COMMD10: variants seen among roughly 807,000 people sequenced by gnomAD.
COMMD10 encodes COMM domain-containing protein 10.
COMMD10 carries 33 observed loss-of-function variants against 28.9 expected under a neutral mutation model. The ratio of observed to expected loss-of-function variants is 1.14; its 90% CI spans 0.87 to 1.53. COMMD10 has a LOEUF of 1.53. Among genes scored for constraint, COMMD10 ranks in the 40% most tolerant of loss-of-function variants. The pLI, the probability that COMMD10 is intolerant of heterozygous loss-of-function variation, is 0.00. For missense variants in COMMD10, 310 were observed against 233.4 expected, an observed-to-expected ratio of 1.33 and a Z score of -2.14; for synonymous variants, 110 against 81.7, an observed-to-expected ratio of 1.35 and a Z score of -1.87.
chr5:116,136,566 A>C (rs1431268765), intron 5 of COMMD10, among the ~76,000 whole-genome samples: 3 of 152,190 alleles, frequency 2.0e-5, no homozygotes, highest in Non-Finnish European at 4.4e-5. Context: ...ACATCTTCAA[A>C]GTATGCCTAT....
chr5:116,257,802 C>T, intron 5 of COMMD10, among the ~76,000 whole-genome samples: 1 of 151,586 alleles, frequency 6.6e-6, no homozygotes, highest in Non-Finnish European at 1.5e-5. Flanking sequence ...TTTTAAGATT[C>T]TTATATGTGG....
At chr5:116,233,018 A>C (rs993353816) in intron 5 of COMMD10, among the ~76,000 whole-genome samples, 1 of 152,146 alleles carries the variant, frequency 6.6e-6, no homozygotes, top group Non-Finnish European at 1.5e-5. Context: ...AATGTGGAGC[A>C]CGGTAGCATT....
intron 5 of COMMD10, among the ~76,000 whole-genome samples, chr5:116,235,605 AATAG>A (rs1272616360): frequency 1.3e-5 from 2 of 152,152 alleles, no homozygotes; most frequent in East Asian, 3.8e-4. Context: ...TTTCATATTT[AATAG>A]ATAGTTTGGG....
At chr5:116,200,530 T>G (rs1416161022) in intron 5 of COMMD10, among the ~76,000 whole-genome samples, 3 of 152,048 alleles carry the variant, frequency 2.0e-5, no homozygotes, top group Non-Finnish European at 4.4e-5. Context: ...TCTTTTCTCT[T>G]TCTTCTTCTA....
chr5:116,254,378 A>C (rs1750216475), intron 5 of COMMD10, among the ~76,000 whole-genome samples: 1 of 151,538 alleles, frequency 6.6e-6, no homozygotes. Context: ...TAGTTCTTTT[A>C]ATTGTGATGT....
intron 5 of COMMD10, among the ~76,000 whole-genome samples, chr5:116,262,481 C>G (rs537000682): frequency 2.5e-4 from 38 of 151,466 alleles, no homozygotes; most frequent in South Asian, 4.2e-4. Flanking sequence ...AATACTATAC[C>G]AAGACAAATG....
At chr5:116,220,572 T>C (rs1474634330) in intron 5 of COMMD10, among the ~76,000 whole-genome samples, 1 of 152,110 alleles carries the variant, frequency 6.6e-6, no homozygotes, top group Non-Finnish European at 1.5e-5. Flanking sequence ...AGTAGAGTTA[T>C]AAGGATCCAG....
chr5:116,191,717 G>A (rs531578569), intron 5 of COMMD10, among the ~76,000 whole-genome samples: 9 of 151,824 alleles, frequency 5.9e-5, no homozygotes, highest in East Asian at 2.0e-4. Context: ...CCCTAGTAGC[G>A]GAAGACAGAG....
intron 5 of COMMD10, among the ~76,000 whole-genome samples, chr5:116,201,788 G>C (rs1748674020): frequency 6.6e-6 from 1 of 152,016 alleles, no homozygotes; most frequent in South Asian, 2.1e-4. Context: ...AACAAAGTAA[G>C]GTTTTTAATT....
At chr5:116,283,732 GT>G (rs1168894132) in intron 5 of COMMD10, among the ~76,000 whole-genome samples, 1 of 151,612 alleles carries the variant, frequency 6.6e-6, no homozygotes, top group Non-Finnish European at 1.5e-5. Flanking sequence ...CATAATGGCA[GT>G]ATCCATTGAT....
chr5:116,269,544 A>T (rs1750699732), intron 5 of COMMD10, among the ~76,000 whole-genome samples: 1 of 151,606 alleles, frequency 6.6e-6, no homozygotes, highest in Non-Finnish European at 1.5e-5. Flanking sequence ...TTCACCTGGT[A>T]TTTTTTTTCA....
intron 5 of COMMD10, among the ~76,000 whole-genome samples, chr5:116,187,358 C>T (rs2112605820): frequency 6.6e-6 from 1 of 151,818 alleles, no homozygotes; most frequent in South Asian, 2.1e-4. Flanking sequence ...TATTTATATG[C>T]AAAATAATAA....
At chr5:116,161,499 T>A (rs922016229) in intron 5 of COMMD10, among the ~76,000 whole-genome samples, 4 of 152,140 alleles carry the variant, frequency 2.6e-5, no homozygotes, top group African/African-American at 9.7e-5. Context: ...CATATGACTT[T>A]TGACTCCCCG....
chr5:116,192,404 A>T (rs993696806), intron 5 of COMMD10, among the ~76,000 whole-genome samples: 7 of 152,240 alleles, frequency 4.6e-5, no homozygotes, highest in Admixed American at 2.6e-4. Context: ...GCCCAATGCA[A>T]GGAAATCCAA....
chr5:116,213,773 TTTC>T (rs1749028177), intron 5 of COMMD10, among the ~76,000 whole-genome samples: 2 of 152,118 alleles, frequency 1.3e-5, no homozygotes, highest in South Asian at 4.1e-4. Flanking sequence ...TACAGTGTTA[TTTC>T]TTCTTTATGT....
intron 5 of COMMD10, among the ~76,000 whole-genome samples, chr5:116,261,589 GT>G (rs1750444981): frequency 6.6e-6 from 1 of 151,604 alleles, no homozygotes; most frequent in African/African-American, 2.4e-5. Flanking sequence ...CATCTTTCTG[GT>G]TATTATTGAC....
chr5:116,106,890 C>A (rs1301171765), intron 4 of COMMD10, among the ~76,000 whole-genome samples: 1 of 152,088 alleles, frequency 6.6e-6, no homozygotes, highest in Admixed American at 6.5e-5. Flanking sequence ...TGAGATGGGT[C>A]TCCTGAATAC....
chr5:116,157,962 C>T (rs1752773427), intron 5 of COMMD10, among the ~76,000 whole-genome samples: 1 of 150,254 alleles, frequency 6.7e-6, no homozygotes, highest in South Asian at 2.1e-4. Context: ...TTTAGTCAAC[C>T]ATTTGAATAT....
chr5:116,171,892 G>A (rs1248171151), intron 5 of COMMD10, among the ~76,000 whole-genome samples: 3 of 152,062 alleles, frequency 2.0e-5, no homozygotes, highest in African/African-American at 7.2e-5. Flanking sequence ...CGGGTTGATG[G>A]TGCAACAAAC....
Sources: gnomAD v4.1 joint callset for allele counts (sites outside exome capture counted in the v4.1 genomes callset) on GRCh38, gnomAD v4.1.1 for gene constraint, MANE v1.5 for transcripts, NCBI Gene and HGNC (gene_info 2026-07-23, HGNC 2026-07-21) for gene names.